Variants in XKR9 observed in about 807,000 individuals in gnomAD.
The protein encoded by XKR9 is XK related 9.
Under a neutral mutation model 32.0 loss-of-function variants are expected in XKR9, and 32 were observed. The observed-to-expected ratio is 1.00, with a 90% CI of 0.76 to 1.34. XKR9 has a LOEUF of 1.34. Ranked by LOEUF, XKR9 falls within the 40% of genes most tolerant of loss-of-function variation. The pLI, the probability that XKR9 is intolerant of heterozygous loss-of-function variation, is 0.00. For missense variants in XKR9, 546 were observed against 429.7 expected, an observed-to-expected ratio of 1.27 and a Z score of -2.39; for synonymous variants, 168 against 143.4, an observed-to-expected ratio of 1.17 and a Z score of -1.22.
the XKR9 span, among the ~76,000 whole-genome samples, chr8:71,044,627 T>C: frequency 2.0e-5 from 3 of 152,194 alleles, no homozygotes; most frequent in Non-Finnish European, 2.9e-5. Flanking sequence ...CAGAAACAAT[T>C]TGTATTAAAC....
At chr8:70,840,328 A>AT in the XKR9 span, among the ~76,000 whole-genome samples, 23 of 152,030 alleles carry the variant, frequency 1.5e-4, no homozygotes, top group African/African-American at 4.3e-4. Flanking sequence ...TAATTTTTGC[A>AT]TTTTTTTAAG....
chr8:71,061,272 T>C, the XKR9 span, among the ~76,000 whole-genome samples: 4 of 152,154 alleles, frequency 2.6e-5, no homozygotes, highest in Non-Finnish European at 4.4e-5. Context: ...TTTATTCCCA[T>C]AGAGACAGAA....
At chr8:70,899,603 T>A in the XKR9 span, among the ~76,000 whole-genome samples, 1 of 152,130 alleles carries the variant, frequency 6.6e-6, no homozygotes, top group Admixed American at 6.5e-5. Context: ...TTGGCTCCTA[T>A]TGATTTTTCA....
At chr8:70,812,074 AT>A in the XKR9 span, among the ~76,000 whole-genome samples, 21 of 152,292 alleles carry the variant, frequency 1.4e-4, no homozygotes, top group African/African-American at 4.6e-4. Flanking sequence ...CCAGCAGCAC[AT>A]CAAAAAGCTT....
At chr8:71,009,000 A>C in the XKR9 span, among the ~76,000 whole-genome samples, 1 of 152,200 alleles carries the variant, frequency 6.6e-6, no homozygotes, top group East Asian at 1.9e-4. Context: ...ATAAAGTTTG[A>C]GAACCACTGC....
At chr8:70,717,324 C>T (rs2132205857) in intron 4 of XKR9, among the ~76,000 whole-genome samples, 1 of 152,304 alleles carries the variant, frequency 6.6e-6, no homozygotes, top group East Asian at 1.9e-4. Flanking sequence ...TTCTGCACTG[C>T]CCTAGCAGAG....
At chr8:70,960,973 C>T in the XKR9 span, among the ~76,000 whole-genome samples, 1 of 151,938 alleles carries the variant, frequency 6.6e-6, no homozygotes, top group African/African-American at 2.4e-5. Context: ...AGTTTGAGAC[C>T]AGCCTGGCCA....
chr8:70,744,346 C>A (rs1447215823), intron 2 of XKR9, among the ~76,000 whole-genome samples: 1 of 151,996 alleles, frequency 6.6e-6, no homozygotes, highest in African/African-American at 2.4e-5. Context: ...TTTACTTAGA[C>A]AAGATGTGTA....
intron 2 of XKR9, among the ~76,000 whole-genome samples, chr8:70,744,216 A>G (rs1807026489): frequency 6.6e-6 from 1 of 151,890 alleles, no homozygotes; most frequent in Non-Finnish European, 1.5e-5. Flanking sequence ...GAGGCTGAGG[A>G]AGGAGAATCA....
chr8:70,675,256 T>A (rs1818845742), intron 2 of XKR9, among the ~76,000 whole-genome samples: 1 of 152,110 alleles, frequency 6.6e-6, no homozygotes, highest in Non-Finnish European at 1.5e-5. Context: ...CGAAACCCCG[T>A]CTCTACTAAA....
chr8:70,765,377 C>CA (rs1350287727), intron 2 of XKR9, among the ~76,000 whole-genome samples: 1 of 152,160 alleles, frequency 6.6e-6, no homozygotes, highest in Non-Finnish European at 1.5e-5. Context: ...TTGTTGGCTG[C>CA]AAAAATGTCT....
chr8:70,936,367 T>C, the XKR9 span, among the ~76,000 whole-genome samples: 2 of 152,172 alleles, frequency 1.3e-5, no homozygotes, highest in Non-Finnish European at 1.5e-5. Flanking sequence ...GTTAGTGGCT[T>C]TCCTTACACT....
the XKR9 span, among the ~76,000 whole-genome samples, chr8:70,918,080 G>T: frequency 3.7e-4 from 56 of 152,364 alleles, no homozygotes; most frequent in African/African-American, 1.3e-3. Context: ...GGGACAGTGA[G>T]AAAGTTCTTC....
chr8:70,825,861 C>A, the XKR9 span, among the ~76,000 whole-genome samples: 5 of 152,000 alleles, frequency 3.3e-5, no homozygotes, highest in African/African-American at 1.2e-4. Flanking sequence ...TTTTCCTCTA[C>A]CCCTGCAACA....
At chr8:70,839,428 G>T in the XKR9 span, among the ~76,000 whole-genome samples, 1 of 152,084 alleles carries the variant, frequency 6.6e-6, no homozygotes, top group Non-Finnish European at 1.5e-5. Flanking sequence ...TTAAGACTTG[G>T]TGTTTAAATA....
chr8:71,039,367 A>T, the XKR9 span, among the ~76,000 whole-genome samples: 1 of 152,204 alleles, frequency 6.6e-6, no homozygotes, highest in Non-Finnish European at 1.5e-5. Flanking sequence ...TGCTGAGAAC[A>T]CTTACAGTTG....
chr8:70,773,498 G>A lies in XKR9; in HGVS notation n.353-15841G>A, dbSNP rs901349439. On this transcript the variant is annotated intron_variant and non_coding_transcript_variant, in intron 2 of 3. Coordinates refer to the XKR9 transcript ENST00000520273. ...CCACATGCAAAATTGGATGATCTTGGTTGTTGTAAAGTGGCCTCAACATGT... is the reference window on the plus strand; with the variant it reads ...CCACATGCAAAATTGGATGATCTTGATTGTTGTAAAGTGGCCTCAACATGT... 3.3e-5 allele frequency among the ~76,000 whole-genome samples: 5 copies of A among 152,274 alleles called. No individual in the cohort carries two copies. The South Asian group carries it at 6.2e-4, about 19-fold the overall frequency.
chr8:70,790,372 TTTAA>T (rs1192493309), downstream of XKR9: 1 of 152,124 alleles, frequency 6.6e-6, no homozygotes, highest in Non-Finnish European at 1.5e-5. Context: ...TTTTCATATT[TTTAA>T]TTGTCTAAAA....
At chr8:71,009,240 G>A in the XKR9 span, among the ~76,000 whole-genome samples, 2 of 152,214 alleles carry the variant, frequency 1.3e-5, no homozygotes, top group African/African-American at 4.8e-5. Flanking sequence ...TGGGCCGCAT[G>A]CAGCCCAGAC....
Sources: allele counts gnomAD v4.1 joint callset (sites outside exome capture counted in the v4.1 genomes callset), GRCh38; gene constraint gnomAD v4.1.1; transcripts MANE v1.5; gene names NCBI Gene and HGNC (gene_info 2026-07-23, HGNC 2026-07-21).